Variants in RIMS2 observed in about 807,000 individuals in gnomAD.
RIMS2 encodes regulating synaptic membrane exocytosis 2.
In RIMS2, 59 loss-of-function variants were observed where a neutral mutation model predicts 174.4. The observed-to-expected ratio is 0.34, with a 90% confidence interval of 0.27 to 0.42. The LOEUF is 0.42. Among genes scored for constraint, RIMS2 ranks in the 10% least tolerant of loss-of-function variants. The pLI is 1.00. For synonymous variants in RIMS2, 606 were observed against 572.5 expected, an observed-to-expected ratio of 1.06 and a Z score of -0.84; for missense variants, 1,620 against 1,666.3, an observed-to-expected ratio of 0.97 and a Z score of 0.48.
chr8:104,148,893 T>C, intron 19 of RIMS2, 45 bp downstream of exon 25: 1 of 1,563,512 alleles, frequency 6.4e-7, no homozygotes, highest in East Asian at 2.2e-5. Context: ...TGAGTTGTCA[T>C]TACAAGATAT....
At chr8:104,247,495 G>C (rs2099342145) in intron 20 of RIMS2, among the ~76,000 whole-genome samples, 1 of 152,170 alleles carries the variant, frequency 6.6e-6, no homozygotes, top group East Asian at 1.9e-4. Context: ...TCTTTAAAGG[G>C]CCTATGGCCA....
At chr8:104,041,242 C>T in intron 19 of RIMS2, 84 bp from the exon 22 acceptor site, 2 of 542,862 alleles carry the variant, frequency 3.7e-6, no homozygotes, top group South Asian at 5.1e-5. Context: ...CCCTTTCCAT[C>T]AGTGTCACTT....
At chr8:103,582,237 C>T (rs2093660335) in intron 1 of RIMS2, among the ~76,000 whole-genome samples, 1 of 152,086 alleles carries the variant, frequency 6.6e-6, no homozygotes, top group Admixed American at 6.5e-5. Flanking sequence ...AAGCATTCAT[C>T]ACCTGCTAAT....
chr8:103,956,609 A>G (rs2087311577), intron 14 of RIMS2, among the ~76,000 whole-genome samples: 2 of 152,372 alleles, frequency 1.3e-5, no homozygotes, highest in South Asian at 2.1e-4. Context: ...CTCAAGATGG[A>G]TTAAAGACTT....
chr8:103,792,883 A>G (rs1284622667), intron 3 of RIMS2, among the ~76,000 whole-genome samples: 3 of 152,150 alleles, frequency 2.0e-5, no homozygotes, highest in Non-Finnish European at 1.5e-5. Context: ...CTAAACCAGG[A>G]AGAAGTTGAA....
intron 1 of RIMS2, among the ~76,000 whole-genome samples, chr8:103,615,026 T>C (rs2095473336): frequency 1.3e-5 from 2 of 152,210 alleles, no homozygotes; most frequent in South Asian, 4.1e-4. Flanking sequence ...CTTTTATCTT[T>C]TAATTATGTT....
exon 3 of RIMS2, chr8:103,766,396 A>C (rs1304732671): frequency 6.2e-7 from 1 of 1,613,972 alleles, no homozygotes; most frequent in South Asian, 1.1e-5. Context: ...CTACATGAGC[A>C]GACCCAGTTC....
At chr8:104,039,178 A>G (rs1044289783) in intron 19 of RIMS2, among the ~76,000 whole-genome samples, 2 of 151,810 alleles carry the variant, frequency 1.3e-5, no homozygotes, top group Admixed American at 6.6e-5. Flanking sequence ...ATACTATATA[A>G]TAAAATATCC....
At chr8:103,631,763 T>C (rs2095928586) in intron 1 of RIMS2, among the ~76,000 whole-genome samples, 1 of 152,182 alleles carries the variant, frequency 6.6e-6, no homozygotes, top group Admixed American at 6.5e-5. Context: ...TCCATGAACA[T>C]GGGATGATTT....
chr8:103,892,355 AC>A (rs1448834377), intron 4 of RIMS2, among the ~76,000 whole-genome samples: 1 of 151,676 alleles, frequency 6.6e-6, no homozygotes, highest in African/African-American at 2.4e-5. Flanking sequence ...GGCTTTCACC[AC>A]CGAGCCCAGC....
At chr8:104,255,340 T>C (rs2099366328), downstream of RIMS2, 1 of 151,974 alleles carries the variant, frequency 6.6e-6, no homozygotes, top group African/African-American at 2.4e-5. Context: ...AATTGTTTCT[T>C]TGTTGTTCAT....
At chr8:104,060,163 A>G (rs1484034408) in intron 19 of RIMS2, among the ~76,000 whole-genome samples, 3 of 151,692 alleles carry the variant, frequency 2.0e-5, no homozygotes, top group East Asian at 3.9e-4. Flanking sequence ...TCCTCCTTGT[A>G]CCTCTGGTAG....
chr8:103,804,261 A>G (rs1461406836), intron 3 of RIMS2, among the ~76,000 whole-genome samples: 1 of 152,190 alleles, frequency 6.6e-6, no homozygotes, highest in Non-Finnish European at 1.5e-5. Context: ...CTGTACACCC[A>G]AGAGAGAATG....
At chr8:103,673,487 G>A (rs1364998505) in intron 1 of RIMS2, among the ~76,000 whole-genome samples, 1 of 152,218 alleles carries the variant, frequency 6.6e-6, no homozygotes, top group Non-Finnish European at 1.5e-5. Context: ...CTGTGTGCCT[G>A]CAATCTTAAT....
chr8:103,919,256 A>G (rs991779698), intron 9 of RIMS2, among the ~76,000 whole-genome samples: 2 of 152,110 alleles, frequency 1.3e-5, no homozygotes, highest in Non-Finnish European at 2.9e-5. Context: ...GCCTGGGGGG[A>G]AATCTTTCCA....
chr8:104,070,824 G>A (rs556291743), intron 19 of RIMS2, among the ~76,000 whole-genome samples: 1 of 152,130 alleles, frequency 6.6e-6, no homozygotes, highest in East Asian at 1.9e-4. Flanking sequence ...AGAAAATAAA[G>A]TCACGATAAA....
intron 19 of RIMS2, among the ~76,000 whole-genome samples, chr8:104,176,889 G>A (rs1193943889): frequency 1.3e-5 from 2 of 151,878 alleles, no homozygotes; most frequent in East Asian, 3.9e-4. Context: ...TTTATCATTA[G>A]CAGCCTTTCA....
intron 21 of RIMS2, 36 bp downstream of exon 27, chr8:104,248,849 T>G (rs535137527): frequency 9.3e-7 from 1 of 1,079,558 alleles, no homozygotes; most frequent in Non-Finnish European, 1.4e-6. Context: ...ACTATTTTGT[T>G]TTAGATTGTT....
intron 1 of RIMS2, among the ~76,000 whole-genome samples, chr8:103,565,806 TC>T (rs1436048960): frequency 1.3e-5 from 2 of 152,094 alleles, no homozygotes; most frequent in African/African-American, 4.8e-5. Context: ...CCAGCCACTG[TC>T]CCGGTTCTTG....
Sources: gnomAD v4.1 joint callset for allele counts (sites outside exome capture counted in the v4.1 genomes callset) on GRCh38, gnomAD v4.1.1 for gene constraint, MANE v1.5 for transcripts, NCBI Gene and HGNC (gene_info 2026-07-23, HGNC 2026-07-21) for gene names.